The following SLC12A8 variants were observed in gnomAD, a reference collection of about 807,000 sequenced individuals.
The protein encoded by SLC12A8 is solute carrier family 12 member 8.
In SLC12A8, 69 loss-of-function variants were observed where a neutral mutation model predicts 75.6. That is an observed-to-expected ratio of 0.91 (90% CI 0.75 to 1.11). The LOEUF (loss-of-function observed/expected upper bound fraction) is 1.11. Among genes scored for constraint, SLC12A8 ranks in the 50% most tolerant of loss-of-function variants. The pLI, the probability that SLC12A8 is intolerant of heterozygous loss-of-function variation, is 0.00. For missense variants in SLC12A8, 877 were observed against 896.7 expected (o/e 0.98, Z 0.28); for synonymous variants, 365 against 372.8 (o/e 0.98, Z 0.24).
intron 2 of SLC12A8, among the ~76,000 whole-genome samples, chr3:125,207,848 C>T (rs11718838): frequency 0.52 from 78,340 of 152,032 alleles, 21,168 homozygotes; most frequent in African/African-American, 0.65. Flanking sequence ...CTCCGCTGGG[C>T]TTCTGTGTGC....
At chr3:125,144,108 G>A (rs1933714862) in intron 5 of SLC12A8, among the ~76,000 whole-genome samples, 1 of 152,170 alleles carries the variant, frequency 6.6e-6, no homozygotes, top group Non-Finnish European at 1.5e-5. Context: ...GCTGTCAAAT[G>A]CCCAAGAATG....
At chr3:125,098,923 G>A (rs1326729422) in intron 10 of SLC12A8, among the ~76,000 whole-genome samples, 1 of 152,200 alleles carries the variant, frequency 6.6e-6, no homozygotes, top group Non-Finnish European at 1.5e-5. Context: ...GCTAGGGTGA[G>A]CAGAAGACCA....
intron 5 of SLC12A8, among the ~76,000 whole-genome samples, chr3:125,156,388 A>G (rs1934051709): frequency 1.3e-5 from 2 of 152,144 alleles, no homozygotes; most frequent in South Asian, 4.1e-4. Context: ...GCATGGGTCT[A>G]TGTGTGCACC....
intron 2 of SLC12A8, among the ~76,000 whole-genome samples, chr3:125,196,091 G>A (rs766540765): frequency 5.8e-4 from 88 of 152,330 alleles, no homozygotes; most frequent in Non-Finnish European, 1.1e-3. Context: ...TTCTTATGTA[G>A]TGAGTAGACC....
chr3:125,186,998 G>T (rs1009727297), intron 4 of SLC12A8, among the ~76,000 whole-genome samples: 1 of 152,234 alleles, frequency 6.6e-6, no homozygotes, highest in Non-Finnish European at 1.5e-5. Context: ...CTGCCCTGCT[G>T]GTCACATCAG....
intron 5 of SLC12A8, among the ~76,000 whole-genome samples, chr3:125,163,776 C>G (rs963172473): frequency 1.3e-5 from 2 of 152,204 alleles, no homozygotes; most frequent in Admixed American, 1.3e-4. Context: ...CAGAAATTCT[C>G]CCTGATGCTG....
intron 2 of SLC12A8, among the ~76,000 whole-genome samples, chr3:125,196,518 C>G (rs1935011066): frequency 6.6e-6 from 1 of 152,086 alleles, no homozygotes; most frequent in Non-Finnish European, 1.5e-5. Flanking sequence ...AGAATAACCC[C>G]CATACTGAGG....
rs556551929 is a variant in SLC12A8, at chr3:125,101,591, A to G, written c.1705+5890T>C. Among the ~76,000 whole-genome samples, 7 of 152,292 alleles carry G rather than the reference A, an allele frequency of 4.6e-5. No homozygotes were observed. The South Asian group carries it at 1.4e-3, about 32-fold the overall frequency. ...TGTTGTACAAATGTTTTTTATTTCT[A>G]TTTAATCAGATATCTTGTCTTTGAT... On this transcript the variant is annotated intron_variant, in intron 10 of 13. Transcript: ENST00000469902.
At chr3:125,167,301 C>T (rs528305111) in intron 5 of SLC12A8, among the ~76,000 whole-genome samples, 237 of 152,114 alleles carry the variant, frequency 1.6e-3, no homozygotes, top group Middle Eastern at 3.2e-3. Context: ...AGGCATGCAC[C>T]GCACCTGGCT....
At chr3:125,168,580 C>T (rs1257715356) in intron 5 of SLC12A8, among the ~76,000 whole-genome samples, 1 of 152,168 alleles carries the variant, frequency 6.6e-6, no homozygotes, top group Non-Finnish European at 1.5e-5. Flanking sequence ...CTGCCCACAT[C>T]AGGGAACAGG....
chr3:125,206,921 T>C (rs772683843), intron 2 of SLC12A8: 4 of 152,218 alleles, frequency 2.6e-5, no homozygotes, highest in Non-Finnish European at 5.9e-5. Context: ...TGCTAAACCA[T>C]TGGTGAGAAA....
Position 125,108,070 on chromosome 3 carries a change from C to T in SLC12A8, c.1116G>A (p.Met372Ile). 6.2e-7 allele frequency: 1 copy of T among 1,614,190 alleles called. No homozygotes were observed. The highest frequency in any genetic ancestry group is 8.5e-7 in the Non-Finnish European group (1 of 1,180,038). The change falls in exon 10 of 14, where the codon ATG (methionine) becomes ATA (isoleucine). Residue 372 changes from methionine (M) to isoleucine (I), a missense_variant. Met to Ile is a conservative substitution (Grantham distance 10). Transcript: ENST00000469902. ...AAICLTSLVT[M>I]AFVFVGQVNV... is the part of the protein sequence containing the mutation. Reference sequence around the variant, plus strand: ...TCACTTGACCCACAAAAACAAAGGCCATGGTCACCAAGCTGGTCAGGCAGA... The same window carrying T: ...TCACTTGACCCACAAAAACAAAGGCTATGGTCACCAAGCTGGTCAGGCAGA...
chr3:125,184,138 A>C (rs1934724291), intron 4 of SLC12A8, among the ~76,000 whole-genome samples: 1 of 151,934 alleles, frequency 6.6e-6, no homozygotes, highest in Non-Finnish European at 1.5e-5. Flanking sequence ...ACGCCTGGCT[A>C]ATTTTTGTAT....
intron 2 of SLC12A8, among the ~76,000 whole-genome samples, chr3:125,192,293 G>C (rs1934923726): frequency 6.6e-6 from 1 of 152,168 alleles, no homozygotes; most frequent in East Asian, 1.9e-4. Flanking sequence ...GGGCTGAGGA[G>C]ATGGAGGCTG....
intron 5 of SLC12A8, among the ~76,000 whole-genome samples, chr3:125,177,013 G>A (rs1197894602): frequency 6.6e-6 from 1 of 151,666 alleles, no homozygotes; most frequent in Admixed American, 6.6e-5. Flanking sequence ...CTGCTATAAA[G>A]ACACATGCAC....
chr3:125,094,677 G>A (rs909762687), intron 10 of SLC12A8, among the ~76,000 whole-genome samples: 1 of 152,076 alleles, frequency 6.6e-6, no homozygotes, highest in African/African-American at 2.4e-5. Context: ...AATGTCTACA[G>A]CTCACCCCTA....
chr3:125,156,167 A>G (rs1934046902), intron 5 of SLC12A8, among the ~76,000 whole-genome samples: 2 of 152,350 alleles, frequency 1.3e-5, no homozygotes, highest in African/African-American at 4.8e-5. Flanking sequence ...GGGAGAGGCC[A>G]TGTGTGGAAA....
intron 2 of SLC12A8, among the ~76,000 whole-genome samples, chr3:125,203,062 T>G (rs1252893664): frequency 6.0e-5 from 7 of 116,050 alleles, no homozygotes; most frequent in Non-Finnish European, 9.9e-5. Flanking sequence ...CACTCTAGCC[T>G]GGGGGACAAG....
At chr3:125,180,824 T>C (rs1466062547) in intron 4 of SLC12A8, among the ~76,000 whole-genome samples, 2 of 152,212 alleles carry the variant, frequency 1.3e-5, no homozygotes, top group African/African-American at 2.4e-5. Context: ...ATTTGCAATA[T>C]AAGTTGTAAA....
Sources: gnomAD v4.1 joint callset for allele counts (sites outside exome capture counted in the v4.1 genomes callset) on GRCh38, gnomAD v4.1.1 for gene constraint, MANE v1.5 for transcripts, NCBI Gene and HGNC (gene_info 2026-07-23, HGNC 2026-07-21) for gene names.